DGCR8: variants seen among roughly 807,000 people sequenced by gnomAD.
The protein encoded by DGCR8 is DGCR8 microprocessor complex subunit, also known as microprocessor complex subunit DGCR8.
In DGCR8, 14 loss-of-function variants were observed where a neutral mutation model predicts 78.5. That is an observed-to-expected ratio of 0.18 (90% confidence interval 0.12 to 0.28). The LOEUF is 0.28. DGCR8 is among the 10% of genes least tolerant of loss of function. The probability of loss-of-function intolerance (pLI) is 1.00; values close to 1 mark genes in which losing one functional copy is unlikely to be tolerated. For synonymous variants in DGCR8, 399 were observed against 402.4 expected (o/e 0.99, Z 0.10); for missense variants, 702 against 1,022.5 (o/e 0.69, Z 4.28).
chr22:20,092,743 C>A, intron 7 of DGCR8, 66 bp from the exon 8 acceptor site: 3 of 1,401,018 alleles, frequency 2.1e-6, no homozygotes, highest in African/African-American at 1.4e-5. Context: ...TCGGTGTGGG[C>A]AGACTGTGCA....
At chr22:20,097,446 T>C (rs1039685408) in intron 9 of DGCR8, among the ~76,000 whole-genome samples, 6 of 152,216 alleles carry the variant, frequency 3.9e-5, no homozygotes, top group African/African-American at 1.4e-4. Flanking sequence ...ATGTAGATTA[T>C]CTAATTGATT....
At chr22:20,084,957 C>T (rs1331131645) in intron 1 of DGCR8, 41 of 985,014 alleles carry the variant, frequency 4.2e-5, no homozygotes, top group Non-Finnish European at 4.8e-5. Flanking sequence ...CAGGGCGGAA[C>T]GGGCTGCAGG....
intron 12 of DGCR8, 135 bp downstream of exon 12, chr22:20,107,533 GT>G: frequency 1.8e-6 from 2 of 1,092,900 alleles, no homozygotes; most frequent in Non-Finnish European, 2.7e-6. Flanking sequence ...TGGGCCACTT[GT>G]GTGGCTTTGT....
At position 20,101,470 on chromosome 22, in the gene DGCR8, C is replaced by T. The variant is rs903488854; in HGVS notation, c.1789-4707C>T. ...GTGGGCGCCTGCAGTCCCAGCTACT[C>T]GGGAGGCTGAGGCAGGAGAATGGCG... On this transcript the variant is annotated intron_variant, in intron 9 of 13. Transcript: ENST00000351989. 2.7e-5 allele frequency: 20 copies of T among 745,328 alleles called. No individual in the cohort carries two copies. The South Asian group carries it at 6.1e-4, about 23-fold the overall frequency. 46.2% of individuals were successfully genotyped at this position (745,328 alleles called of 1,614,324 possible). A position where few individuals can be genotyped will look rare whatever the true frequency, so the allele number is the denominator to read the frequency against.
chr22:20,111,475 A>T lies in DGCR8; in HGVS notation c.*1367A>T, dbSNP rs3213720. 55 of 398,384 alleles carry T rather than the reference A, an allele frequency of 1.4e-4. No individual in the cohort carries two copies. The East Asian group carries it at 2.0e-3, about 14-fold the overall frequency. 24.7% of individuals were successfully genotyped at this position (398,384 alleles called of 1,614,324 possible). A position where few individuals can be genotyped will look rare whatever the true frequency, so the allele number is the denominator to read the frequency against. Reference sequence around the variant, plus strand: ...GTTGGCTTCTGTTGACCTTTAAAAAAGAAACCCTCAACTCAAATTGCTATA... The same window carrying T: ...GTTGGCTTCTGTTGACCTTTAAAAATGAAACCCTCAACTCAAATTGCTATA... On this transcript the variant is annotated 3_prime_UTR_variant, in exon 14 of 14. Transcript: ENST00000351989.
intron 8 of DGCR8, among the ~76,000 whole-genome samples, chr22:20,093,774 T>TG (rs1379524613): frequency 6.6e-6 from 1 of 152,226 alleles, no homozygotes; most frequent in Non-Finnish European, 1.5e-5. Context: ...GCCGTTTGCA[T>TG]TCATGCCCTG....
chr22:20,101,825 A>G (rs2049705855), intron 9 of DGCR8: 1 of 985,208 alleles, frequency 1.0e-6, no homozygotes, highest in African/African-American at 1.7e-5. Context: ...TGTCCCCTGG[A>G]CAGCCTGGGG....
chr22:20,102,080 C>CTTT, intron 9 of DGCR8: 2 of 815,486 alleles, frequency 2.5e-6, no homozygotes, highest in Non-Finnish European at 2.9e-6. Context: ...CAAGTGTTTT[C>CTTT]TTTTTTTTTT....
intron 6 of DGCR8, 32 bp downstream of exon 6, chr22:20,091,664 C>G: frequency 6.2e-7 from 1 of 1,602,196 alleles, no homozygotes; most frequent in Non-Finnish European, 8.5e-7. Flanking sequence ...CATCAGCAGA[C>G]TGGTTATGCT....
chr22:20,104,929 A>T (rs2049752130), intron 9 of DGCR8, among the ~76,000 whole-genome samples: 1 of 152,204 alleles, frequency 6.6e-6, no homozygotes, highest in African/African-American at 2.4e-5. Flanking sequence ...GAGCCTGCAC[A>T]GCGAGGCGTG....
At position 20,108,970 on chromosome 22, in the gene DGCR8, C is replaced by T; in HGVS notation, c.2205C>T (p.Leu735=). 1 of 1,609,696 alleles carries T rather than the reference C, an allele frequency of 6.2e-7. No individual in the cohort carries two copies. The highest frequency in any genetic ancestry group is 8.5e-7 in the Non-Finnish European group (1 of 1,176,258). ...NKPNLHILSK[L]QEEMKRLAEE... is the part of the protein sequence containing the mutation. Reference sequence around the variant, plus strand: ...CCAACCTGCACATCCTCAGCAAGCTCCAAGAGGAGATGAAGAGGCTAGCTG... The same window carrying T: ...CCAACCTGCACATCCTCAGCAAGCTTCAAGAGGAGATGAAGAGGCTAGCTG... Residue 735 remains leucine, a synonymous_variant, in exon 13 of 14, where the codon CTC becomes CTT. Coordinates refer to ENST00000351989, the MANE Select transcript of DGCR8 (RefSeq NM_022720.7).
At chr22:20,101,151 C>G (rs1361429060) in intron 9 of DGCR8, 2 of 965,070 alleles carry the variant, frequency 2.1e-6, no homozygotes, top group Non-Finnish European at 2.5e-6. Flanking sequence ...TCAGGAAATC[C>G]TCAGGGTTTT....
chr22:20,093,581 A>C (rs2049591817), intron 8 of DGCR8, among the ~76,000 whole-genome samples: 1 of 152,102 alleles, frequency 6.6e-6, no homozygotes, highest in Admixed American at 6.5e-5. Flanking sequence ...GCCAGGAGGG[A>C]GGAGAAGCGG....
In DGCR8 at chr22:20,089,830, G is replaced by A. The variant is rs367641162; in HGVS notation, c.1023+19G>A. The A allele has an allele frequency of 5.0e-5, 81 of 1,613,228 alleles. No individual in the cohort carries two copies. The highest frequency in any genetic ancestry group is 2.6e-4 in the South Asian group (24 of 91,036). ...CATACGGGTAGGGGAGGCATCAGTC[G>A]TGACTTTAGGCTTGTAAGTTCTCAG... On this transcript the variant is annotated intron_variant, in intron 4 of 13. Transcript: ENST00000351989. The surrounding 1 kb of genome is among the most constrained non-coding windows in gnomAD (Gnocchi z 4.9).
chr22:20,103,640 T>A (rs2049732593), intron 9 of DGCR8, among the ~76,000 whole-genome samples: 1 of 152,180 alleles, frequency 6.6e-6, no homozygotes, highest in Admixed American at 6.5e-5. Flanking sequence ...GGTGTTAAGG[T>A]CATGGTACGG....
intron 5 of DGCR8, among the ~76,000 whole-genome samples, 177 bp downstream of exon 5, chr22:20,090,435 G>A (rs536358359): frequency 1.2e-4 from 19 of 152,356 alleles, no homozygotes; most frequent in African/African-American, 4.3e-4. Context: ...AACCTGCCTG[G>A]GTGCAGCACC....
intron 8 of DGCR8, among the ~76,000 whole-genome samples, chr22:20,094,470 G>C (rs1412961025): frequency 6.6e-6 from 1 of 152,238 alleles, no homozygotes; most frequent in East Asian, 1.9e-4. Flanking sequence ...CCTGCTCCCA[G>C]GACCCCAGGG....
At chr22:20,097,674 A>G (rs1189570161) in intron 9 of DGCR8, among the ~76,000 whole-genome samples, 2 of 151,856 alleles carry the variant, frequency 1.3e-5, no homozygotes, top group East Asian at 1.9e-4. Flanking sequence ...GATTATTTCA[A>G]TTGCCCTGTC....
rs1001457245 is a variant in DGCR8, at chr22:20,110,054, C to T, written c.2268C>T (p.Ser756=). 3 of 1,613,478 alleles carry T rather than the reference C, an allele frequency of 1.9e-6. No individual in the cohort carries two copies. Among genetic ancestry groups the T allele is most frequent in the African/African-American group, 2.7e-5 (2 of 74,962 alleles). The change falls in exon 14 of 14, where the codon TCC becomes TCT. Residue 756 remains serine, a synonymous_variant. Coordinates refer to ENST00000351989, the MANE Select transcript of DGCR8 (RefSeq NM_022720.7). ...REETRKKPKM[S]IVASAQPGGE... is the part of the protein sequence containing the mutation. ...AGACTCGAAAGAAGCCCAAGATGTC[C>T]ATTGTGGCGTCCGCCCAGCCTGGCG...
Sources: gnomAD v4.1 joint callset for allele counts (sites outside exome capture counted in the v4.1 genomes callset) on GRCh38, gnomAD v4.1.1 for gene constraint, Gnocchi (gnomAD v3.1) non-coding constraint, MANE v1.5 for transcripts, NCBI Gene and HGNC (gene_info 2026-07-23, HGNC 2026-07-21) for gene names.